The following ACOXL variants were observed in gnomAD, a reference collection of about 807,000 sequenced individuals.
ACOXL encodes acyl-CoA oxidase like.
Under a neutral mutation model 71.9 loss-of-function variants are expected in ACOXL, and 70 were observed. The ratio of observed to expected loss-of-function variants is 0.97; its 90% CI spans 0.80 to 1.19. ACOXL has a LOEUF of 1.19. Among genes scored for constraint, ACOXL ranks in the 50% most tolerant of loss-of-function variants. The pLI is 0.00. For synonymous variants in ACOXL, 253 were observed against 281.6 expected, an observed-to-expected ratio of 0.90 and a Z score of 1.02; for missense variants, 703 against 736.3, an observed-to-expected ratio of 0.95 and a Z score of 0.52.
chr2:110,854,642 A>AG (rs1341245174), intron 10 of ACOXL, among the ~76,000 whole-genome samples: 1 of 152,220 alleles, frequency 6.6e-6, no homozygotes, highest in Non-Finnish European at 1.5e-5. Context: ...GGTTTATGGA[A>AG]GAGCATTAAG....
chr2:110,957,000 C>T (rs3789112), intron 12 of ACOXL, among the ~76,000 whole-genome samples: 38,795 of 151,954 alleles, frequency 0.26, 5,244 homozygotes, highest in Middle Eastern at 0.33. Context: ...CAGGTTCTGG[C>T]GCTTCCCTCT....
intron 14 of ACOXL, among the ~76,000 whole-genome samples, chr2:111,008,426 T>C (rs1293097368): frequency 6.6e-6 from 1 of 152,170 alleles, no homozygotes; most frequent in Non-Finnish European, 1.5e-5. Flanking sequence ...TTATCCTTCC[T>C]GTATTTCTTT....
intron 7 of ACOXL, among the ~76,000 whole-genome samples, chr2:110,800,130 C>G (rs571663891): frequency 1.3e-5 from 2 of 152,330 alleles, no homozygotes; most frequent in South Asian, 4.1e-4. Context: ...TTCTTTCACT[C>G]TTCACAATAA....
At chr2:111,011,713 T>C (rs2064167272) in intron 14 of ACOXL, among the ~76,000 whole-genome samples, 2 of 151,910 alleles carry the variant, frequency 1.3e-5, no homozygotes. Flanking sequence ...CAAAACCCTG[T>C]CTCTACTAAA....
At chr2:110,878,863 G>C (rs1696257616) in intron 10 of ACOXL, among the ~76,000 whole-genome samples, 1 of 151,966 alleles carries the variant, frequency 6.6e-6, no homozygotes, top group Non-Finnish European at 1.5e-5. Context: ...TTCAAGACCA[G>C]CCTGGCAAAG....
intron 10 of ACOXL, among the ~76,000 whole-genome samples, chr2:110,871,062 A>T (rs1020936141): frequency 4.6e-5 from 7 of 152,198 alleles, no homozygotes; most frequent in African/African-American, 1.7e-4. Context: ...ACTTTTCAGA[A>T]TTTGAAATTA....
intron 3 of ACOXL, among the ~76,000 whole-genome samples, chr2:110,793,073 ACT>A (rs910840681): frequency 6.6e-6 from 1 of 152,084 alleles, no homozygotes; most frequent in Non-Finnish European, 1.5e-5. Context: ...GTAAATGGGT[ACT>A]CTCACCATTC....
At chr2:110,912,081 A>C (rs532424095) in intron 11 of ACOXL, among the ~76,000 whole-genome samples, 3 of 152,224 alleles carry the variant, frequency 2.0e-5, no homozygotes, top group South Asian at 2.1e-4. Context: ...AAAATCAAAA[A>C]GAATAAAATA....
intron 9 of ACOXL, among the ~76,000 whole-genome samples, chr2:110,836,830 G>A (rs1180681366): frequency 6.6e-6 from 1 of 152,232 alleles, no homozygotes; most frequent in Non-Finnish European, 1.5e-5. Context: ...CAGATTTGTC[G>A]CCTATGCGTA....
intron 10 of ACOXL, among the ~76,000 whole-genome samples, chr2:110,906,257 G>A (rs2059437389): frequency 6.6e-6 from 1 of 152,062 alleles, no homozygotes; most frequent in African/African-American, 2.4e-5. Flanking sequence ...TGTACTATTG[G>A]CCAGGCGTGG....
intron 17 of ACOXL, among the ~76,000 whole-genome samples, chr2:111,097,582 C>G (rs1050870180): frequency 3.3e-5 from 5 of 152,148 alleles, no homozygotes; most frequent in Non-Finnish European, 5.9e-5. Flanking sequence ...ACAAGATGAG[C>G]CTGGAGCATG....
At chr2:110,886,933 C>T (rs762332430) in intron 10 of ACOXL, 46 of 1,495,536 alleles carry the variant, frequency 3.1e-5, no homozygotes, top group Non-Finnish European at 3.9e-5. Flanking sequence ...TGGGTTTTCC[C>T]GTGGCAGATC....
intron 14 of ACOXL, among the ~76,000 whole-genome samples, chr2:111,025,296 A>G (rs1402733372): frequency 6.6e-6 from 1 of 152,156 alleles, no homozygotes; most frequent in African/African-American, 2.4e-5. Flanking sequence ...GAACAATTTT[A>G]TATGTGACTT....
chr2:110,752,105 G>A (rs910986209), intron 1 of ACOXL, among the ~76,000 whole-genome samples: 1 of 150,020 alleles, frequency 6.7e-6, no homozygotes, highest in African/African-American at 2.5e-5. Flanking sequence ...GCTCACTTCA[G>A]CCTCTGCCTC....
chr2:111,082,414 G>A (rs1014147203), intron 16 of ACOXL, among the ~76,000 whole-genome samples: 2 of 151,586 alleles, frequency 1.3e-5, no homozygotes, highest in South Asian at 2.1e-4. Flanking sequence ...ACCAACAAAC[G>A]TGAAAAAAAG....
intron 1 of ACOXL, among the ~76,000 whole-genome samples, chr2:110,750,306 C>T (rs1678756775): frequency 6.6e-6 from 1 of 152,096 alleles, no homozygotes; most frequent in Non-Finnish European, 1.5e-5. Flanking sequence ...TATAGACTAA[C>T]ATGTTTATTT....
At chr2:111,037,719 G>A (rs560123022) in intron 15 of ACOXL, among the ~76,000 whole-genome samples, 1 of 152,316 alleles carries the variant, frequency 6.6e-6, no homozygotes, top group South Asian at 2.1e-4. Flanking sequence ...ACTGCTTGGG[G>A]TCACACGCTA....
chr2:111,030,412 T>C (rs1019780018), intron 14 of ACOXL, among the ~76,000 whole-genome samples: 2 of 152,220 alleles, frequency 1.3e-5, no homozygotes, highest in Admixed American at 6.5e-5. Context: ...TTCCCTCGAT[T>C]GTCATGAGAT....
intron 9 of ACOXL, among the ~76,000 whole-genome samples, chr2:110,818,451 G>GTGTGTGTGTGTGTGTGTGTGTA (rs1373497384): frequency 1.5e-5 from 2 of 135,820 alleles, no homozygotes; most frequent in African/African-American, 5.6e-5. Flanking sequence ...GTGTGTGTGT[G>GTGTGTGTGTGTGTGTGTGTGTA]TATATATATA....
Sources: gnomAD v4.1 joint callset for allele counts (sites outside exome capture counted in the v4.1 genomes callset) on GRCh38, gnomAD v4.1.1 for gene constraint, MANE v1.5 for transcripts, NCBI Gene and HGNC (gene_info 2026-07-23, HGNC 2026-07-21) for gene names.